Variants in STK31 observed in about 807,000 individuals in gnomAD.
The protein encoded by STK31 is serine/threonine kinase 31, also known as serine/threonine-protein kinase 31.
In STK31, 89 loss-of-function variants were observed where a neutral mutation model predicts 129.7. The observed-to-expected ratio is 0.69, with a 90% confidence interval of 0.58 to 0.82. The LOEUF is 0.82. Ranked by LOEUF, STK31 falls within the 40% of genes least tolerant of loss-of-function variation. STK31 has a pLI of 0.00. For missense variants in STK31, 1,187 were observed against 1,176.4 expected (o/e 1.01, Z -0.13); for synonymous variants, 448 against 395.3 (o/e 1.13, Z -1.58).
intron 4 of STK31, chr7:23,725,822 T>C (rs1787030115): frequency 6.6e-6 from 1 of 152,232 alleles, no homozygotes; most frequent in Admixed American, 6.5e-5. Context: ...TTTTAAGTGT[T>C]TGATGCCTGT....
chr7:23,750,203 C>G (rs903673346), intron 8 of STK31, among the ~76,000 whole-genome samples: 5 of 151,936 alleles, frequency 3.3e-5, no homozygotes, highest in Non-Finnish European at 7.4e-5. Context: ...GACTGGATGC[C>G]CCTGGAGCTT....
intron 22 of STK31, among the ~76,000 whole-genome samples, chr7:23,813,078 C>CTTTTTTTTTTTTTTTTTTTTTTTGTTTT (rs70956924): frequency 1.1e-5 from 1 of 94,116 alleles, no homozygotes; most frequent in Non-Finnish European, 2.0e-5. Flanking sequence ...GCTCTCTGTT[C>CTTTTTTTTTTTTTTTTTTTTTTTGTTTT]TTTTTTTTTT....
chr7:23,751,890 T>C (rs1309201868), intron 8 of STK31, among the ~76,000 whole-genome samples: 3 of 151,472 alleles, frequency 2.0e-5, no homozygotes, highest in Admixed American at 6.6e-5. Flanking sequence ...TATTTGCATA[T>C]AGTATTTTTA....
chr7:23,719,145 G>T (rs1422072250), intron 4 of STK31, among the ~76,000 whole-genome samples: 5 of 151,618 alleles, frequency 3.3e-5, no homozygotes, highest in African/African-American at 1.2e-4. Context: ...CATTCTGTAT[G>T]TTTTTTTCAC....
intron 8 of STK31, among the ~76,000 whole-genome samples, chr7:23,748,080 C>T (rs575711880): frequency 1.7e-4 from 26 of 152,300 alleles, no homozygotes; most frequent in South Asian, 1.4e-3. Context: ...CTAATATATA[C>T]GCATTTCAAT....
intron 22 of STK31, chr7:23,811,714 T>A (rs1011967941): frequency 6.5e-6 from 1 of 153,614 alleles, no homozygotes; most frequent in East Asian, 1.9e-4. Flanking sequence ...GGAAAGGCAC[T>A]CCAGGGAATA....
chr7:23,730,870 A>ATTTTTTTTTTTTT (rs1263694532), intron 6 of STK31, among the ~76,000 whole-genome samples: 3 of 45,290 alleles, frequency 6.6e-5, no homozygotes, highest in Admixed American at 7.5e-4. Flanking sequence ...ATATATATAT[A>ATTTTTTTTTTTTT]TATATATATT....
chr7:23,796,586 A>G (rs904613580), intron 22 of STK31, among the ~76,000 whole-genome samples: 7 of 152,126 alleles, frequency 4.6e-5, no homozygotes, highest in Non-Finnish European at 7.3e-5. Flanking sequence ...TAACACACCT[A>G]TAGATTAGTG....
chr7:23,804,269 A>G (rs1349819792), intron 22 of STK31, among the ~76,000 whole-genome samples: 3 of 151,712 alleles, frequency 2.0e-5, no homozygotes, highest in South Asian at 2.1e-4. Context: ...CCTAAAATGC[A>G]TTTTTTCCTG....
chr7:23,828,238 C>G (rs557412611), intron 23 of STK31, among the ~76,000 whole-genome samples: 1 of 150,936 alleles, frequency 6.6e-6, no homozygotes. Context: ...GTGGTGGGCT[C>G]CACCCAGTTT....
chr7:23,732,531 G>C (rs1440746868), intron 6 of STK31, among the ~76,000 whole-genome samples: 2 of 152,188 alleles, frequency 1.3e-5, no homozygotes, highest in Non-Finnish European at 2.9e-5. Context: ...TCAGGGTTCT[G>C]TGTTTATGAT....
chr7:23,771,181 A>G, intron 14 of STK31, 57 bp downstream of exon 14: 1 of 1,465,510 alleles, frequency 6.8e-7, no homozygotes, highest in Non-Finnish European at 9.0e-7. Flanking sequence ...ATTTTTCAGT[A>G]CTTAAATTTT....
chr7:23,710,401 G>A, intron 1 of STK31, 66 bp downstream of exon 1: 1 of 1,610,506 alleles, frequency 6.2e-7, no homozygotes, highest in Non-Finnish European at 8.5e-7. Context: ...GTCGCTGCTT[G>A]CGTTTTAAGT....
Position 23,717,491 on chromosome 7 carries a change from G to A in STK31, c.161G>A (p.Arg54Lys), listed in dbSNP as rs774444994. ...ATCTAATCTTTCTAGAGTATCAATA[G>A]AAATAAGGATATCATGAAGATTGGT... is the stretch of plus-strand genomic sequence containing the variant. ...AVTFWAQSIN[R>K]NKDIMKIGCS... Residue 54 changes from arginine to lysine, a missense_variant, in exon 4 of 24, where the codon AGA (arginine) becomes AAA (lysine). Transcript: ENST00000355870. 6.2e-7 allele frequency: 1 copy of A among 1,608,040 alleles called. No homozygotes were observed. The highest frequency in any genetic ancestry group is 2.2e-5 in the East Asian group (1 of 44,728).
chr7:23,728,072 C>CTTTTTTTTTTTT (rs56355518), intron 5 of STK31, among the ~76,000 whole-genome samples: 3 of 68,290 alleles, frequency 4.4e-5, no homozygotes, highest in African/African-American at 6.5e-5. Context: ...TTGTGTTAAG[C>CTTTTTTTTTTTT]TTTTTTTTTT....
At chr7:23,812,728 AT>A (rs1562625404) in intron 22 of STK31, among the ~76,000 whole-genome samples, 1 of 151,776 alleles carries the variant, frequency 6.6e-6, no homozygotes, top group Non-Finnish European at 1.5e-5. Context: ...CCATATGCAC[AT>A]TTTATTTAGC....
chr7:23,781,481 T>G lies in STK31; in HGVS notation c.2028T>G (p.Asn676Lys). The G allele has an allele frequency of 6.2e-7, 1 of 1,612,056 alleles. No homozygotes were observed. The highest frequency in any genetic ancestry group is 1.1e-5 in the South Asian group (1 of 90,690). ...AAGAAGAAATAACTCAGCTGCGCAA[T>G]AATGTCTTTCAGGAAATTTATCATG... ...KIKEEITQLR[N>K]NVFQEIYHER... Residue 676 changes from asparagine to lysine, a missense_variant, in exon 16 of 24, where the codon AAT (asparagine) becomes AAG (lysine). Around this residue, in one of 5 missense-constraint regions of STK31, gnomAD observed 975 missense variants for 934.9 expected, o/e 1.04. Coordinates refer to ENST00000355870, the MANE Select transcript of STK31 (RefSeq NM_031414.5).
chr7:23,758,067 A>G (rs1443486848), intron 10 of STK31, among the ~76,000 whole-genome samples: 1 of 152,234 alleles, frequency 6.6e-6, no homozygotes, highest in African/African-American at 2.4e-5. Flanking sequence ...GCAGATTAAC[A>G]GCATCTCAAG....
chr7:23,808,298 T>C (rs1229372075), intron 22 of STK31, among the ~76,000 whole-genome samples: 2 of 151,892 alleles, frequency 1.3e-5, no homozygotes, highest in Non-Finnish European at 2.9e-5. Flanking sequence ...ACTGCCTTAC[T>C]TCTCCTTGCT....
Sources: allele counts gnomAD v4.1 joint callset (sites outside exome capture counted in the v4.1 genomes callset), GRCh38; gene constraint gnomAD v4.1.1; regional missense constraint gnomAD v4.1.1; transcripts MANE v1.5; gene names NCBI Gene and HGNC (gene_info 2026-07-23, HGNC 2026-07-21).